The following CDCP1 variants were observed in gnomAD, a reference collection of about 807,000 sequenced individuals.
The protein encoded by CDCP1 is CUB domain-containing protein 1.
A neutral mutation model predicts 60.2 loss-of-function variants in CDCP1; 29 were observed. The ratio of observed to expected loss-of-function variants is 0.48; its 90% CI spans 0.36 to 0.66. The LOEUF is 0.66. CDCP1 is among the 30% of genes least tolerant of loss of function. The pLI is 0.00. For missense variants in CDCP1, 876 were observed against 1,074.3 expected, an observed-to-expected ratio of 0.82 and a Z score of 2.58; for synonymous variants, 387 against 431.1, an observed-to-expected ratio of 0.90 and a Z score of 1.27.
chr3:45,126,753 T>A (rs1368944892), intron 1 of CDCP1, among the ~76,000 whole-genome samples: 1 of 152,182 alleles, frequency 6.6e-6, no homozygotes, highest in African/African-American at 2.4e-5. Flanking sequence ...CAACAAACAT[T>A]TAATGATTCC....
chr3:45,108,399 A>G (rs751538521), intron 4 of CDCP1, among the ~76,000 whole-genome samples: 3 of 152,170 alleles, frequency 2.0e-5, no homozygotes, highest in Non-Finnish European at 4.4e-5. Flanking sequence ...TTGCCCTTTA[A>G]TCTCAGCACT....
intron 1 of CDCP1, among the ~76,000 whole-genome samples, chr3:45,144,441 G>A (rs1699346289): frequency 6.6e-6 from 1 of 152,170 alleles, no homozygotes; most frequent in Admixed American, 6.5e-5. Context: ...CCATAGGGAG[G>A]AACTTAAGAA....
intron 4 of CDCP1, among the ~76,000 whole-genome samples, chr3:45,101,087 G>T (rs993597698): frequency 6.6e-6 from 1 of 152,232 alleles, no homozygotes; most frequent in East Asian, 1.9e-4. Context: ...TGACACAGCA[G>T]TCTTGCGACA....
At chr3:45,106,329 T>C (rs2125995011) in intron 4 of CDCP1, among the ~76,000 whole-genome samples, 1 of 152,250 alleles carries the variant, frequency 6.6e-6, no homozygotes, top group African/African-American at 2.4e-5. Context: ...ATGGTTGCAC[T>C]TTGGTTTGAG....
chr3:45,109,543 A>G (rs1249881233), intron 4 of CDCP1, among the ~76,000 whole-genome samples: 1 of 152,046 alleles, frequency 6.6e-6, no homozygotes, highest in African/African-American at 2.4e-5. Context: ...CACTTGCCAC[A>G]ACTCACTCCT....
At chr3:45,144,202 C>T (rs1465280211) in intron 1 of CDCP1, among the ~76,000 whole-genome samples, 1 of 152,146 alleles carries the variant, frequency 6.6e-6, no homozygotes, top group African/African-American at 2.4e-5. Context: ...TCTGCAGTGA[C>T]ACCAAATTCA....
chr3:45,141,519 C>G (rs1183525643), intron 1 of CDCP1, among the ~76,000 whole-genome samples: 1 of 152,176 alleles, frequency 6.6e-6, no homozygotes, highest in Non-Finnish European at 1.5e-5. Flanking sequence ...TACAGAATGT[C>G]TGGTTTTCAG....
chr3:45,085,502 T>C lies in CDCP1; in HGVS notation c.*136A>G. On this transcript the variant is annotated 3_prime_UTR_variant, in exon 9 of 9. Transcript: ENST00000296129. This position sits in a 1 kb window ranked among gnomAD's most constrained non-coding sequence, Gnocchi z 4.2. ...AATGAGTCCACTGAGCAATGTGAAG[T>C]TGGCGGTGTCCAGGAAAACCTCCTG... 1 of 828,110 alleles carries C rather than the reference T, an allele frequency of 1.2e-6. No individual in the cohort carries two copies. The highest frequency in any genetic ancestry group is 1.9e-6 in the Non-Finnish European group (1 of 512,954). The allele number at this position is 828,110 out of a possible 1,614,324, so 51.3% of individuals were successfully genotyped here. A position where few individuals can be genotyped will look rare whatever the true frequency, so the allele number is the denominator to read the frequency against.
At chr3:45,090,126 G>A (rs1698267579) in intron 7 of CDCP1, among the ~76,000 whole-genome samples, 1 of 152,014 alleles carries the variant, frequency 6.6e-6, no homozygotes, top group Non-Finnish European at 1.5e-5. Context: ...TTTCACTTGT[G>A]GCATTTGGCT....
chr3:45,104,042 A>C (rs747793948), intron 4 of CDCP1, among the ~76,000 whole-genome samples: 9 of 152,264 alleles, frequency 5.9e-5, no homozygotes, highest in Non-Finnish European at 1.3e-4. Flanking sequence ...GTTGCCGTCC[A>C]TTCTCACCAT....
At chr3:45,138,804 C>T (rs1576124134) in intron 1 of CDCP1, among the ~76,000 whole-genome samples, 2 of 152,170 alleles carry the variant, frequency 1.3e-5, no homozygotes, top group South Asian at 4.2e-4. Context: ...TGAGATTGTG[C>T]CATTGTACTC....
chr3:45,096,564 G>T (rs1432356478), intron 4 of CDCP1, among the ~76,000 whole-genome samples: 1 of 131,692 alleles, frequency 7.6e-6, no homozygotes, highest in African/African-American at 2.8e-5. Context: ...GGCGGAGGTT[G>T]TTGAGAGCTG....
chr3:45,126,138 C>CTT (rs1321872620), intron 1 of CDCP1, among the ~76,000 whole-genome samples: 2 of 138,960 alleles, frequency 1.4e-5, no homozygotes, highest in African/African-American at 5.8e-5. Flanking sequence ...TTCTTTCTTT[C>CTT]TTTCTTTCTT....
At chr3:45,142,737 C>T (rs773634265) in intron 1 of CDCP1, among the ~76,000 whole-genome samples, 2 of 152,152 alleles carry the variant, frequency 1.3e-5, no homozygotes, top group Non-Finnish European at 2.9e-5. Flanking sequence ...ATCCCAGCAA[C>T]TCTGCTTCCA....
intron 3 of CDCP1, 22 bp downstream of exon 3, chr3:45,112,061 T>A (rs965520955): frequency 6.2e-7 from 1 of 1,606,214 alleles, no homozygotes; most frequent in African/African-American, 1.3e-5. Context: ...CCTAATCAGA[T>A]AGCAGGGAGG....
rs991784798 is a variant in CDCP1 at position 45,091,006 on chromosome 3, A to G, written c.1993+167T>C. On this transcript the variant is annotated intron_variant, in intron 7 of 8. Transcript: ENST00000296129. The surrounding 1 kb of genome is among the most constrained non-coding windows in gnomAD (Gnocchi z 4.8). ...AATAGATGGCTGCTACTAAGCCACT[A>G]TGTTCTGGGATGGTTTGTTACTCAG... Among the ~76,000 whole-genome samples the G allele has an allele frequency of 6.6e-6, 1 of 152,178 alleles. No individual in the cohort carries two copies. Among genetic ancestry groups the G allele is most frequent in the South Asian group, 2.1e-4 (1 of 4,832 alleles).
chr3:45,131,998 C>T (rs946460389), intron 1 of CDCP1, among the ~76,000 whole-genome samples: 5 of 152,130 alleles, frequency 3.3e-5, no homozygotes, highest in Admixed American at 6.5e-5. Context: ...CTTTGGGAGG[C>T]CAGGGCAGGC....
At chr3:45,145,384 G>A (rs1472972422) in intron 1 of CDCP1, among the ~76,000 whole-genome samples, 1 of 152,190 alleles carries the variant, frequency 6.6e-6, no homozygotes, top group African/African-American at 2.4e-5. Flanking sequence ...TATTTACTAC[G>A]TTCTAATACA....
At chr3:45,093,048 C>T (rs561984786) in intron 6 of CDCP1, among the ~76,000 whole-genome samples, 1 of 152,308 alleles carries the variant, frequency 6.6e-6, no homozygotes, top group African/African-American at 2.4e-5. Flanking sequence ...CAACCATCGC[C>T]TCTCACTGTC....
Sources: gnomAD v4.1 joint callset for allele counts (sites outside exome capture counted in the v4.1 genomes callset) on GRCh38, gnomAD v4.1.1 for gene constraint, Gnocchi (gnomAD v3.1) non-coding constraint, MANE v1.5 for transcripts, NCBI Gene and HGNC (gene_info 2026-07-23, HGNC 2026-07-21) for gene names.